Variants in MDN1 observed in about 807,000 individuals in gnomAD.
The protein encoded by MDN1 is midasin AAA ATPase 1.
Under a neutral mutation model 669.2 loss-of-function variants are expected in MDN1, and 266 were observed. The ratio of observed to expected loss-of-function variants is 0.40; its 90% CI spans 0.36 to 0.44. The LOEUF (loss-of-function observed/expected upper bound fraction) is 0.44, where lower values mean the gene tolerates loss of function less well. Among genes scored for constraint, MDN1 ranks in the 20% least tolerant of loss-of-function variants. The pLI, the probability that MDN1 is intolerant of heterozygous loss-of-function variation, is 1.00. For synonymous variants in MDN1, 2,385 were observed against 2,457.1 expected (o/e 0.97, Z 0.87); for missense variants, 5,940 against 6,754.0 (o/e 0.88, Z 4.22).
At chr6:89,720,878 T>C (rs1449177491) in intron 40 of MDN1, among the ~76,000 whole-genome samples, 1 of 152,204 alleles carries the variant, frequency 6.6e-6, no homozygotes, top group Non-Finnish European at 1.5e-5. Flanking sequence ...ACTCCATTTG[T>C]AATCACAGCA....
chr6:89,654,460 C>T (rs1809106399), intron 92 of MDN1, 126 bp from the exon 93 acceptor site: 1 of 1,231,700 alleles, frequency 8.1e-7, no homozygotes, highest in Non-Finnish European at 1.1e-6. Flanking sequence ...GTGCCACTGA[C>T]CAGCTATGTG....
At chr6:89,794,247 G>T in intron 3 of MDN1, 40 bp from the exon 4 acceptor site, 1 of 1,150,624 alleles carries the variant, frequency 8.7e-7, no homozygotes, top group Non-Finnish European at 1.3e-6. Context: ...TTTATCTGCA[G>T]TTGATAATAA....
In MDN1 at chr6:89,747,412, T is replaced by A. The variant is rs1480009184; in HGVS notation, c.3821A>T (p.Asp1274Val). The A allele has an allele frequency of 2.5e-6, 4 of 1,614,062 alleles. No homozygotes were observed. In the Admixed American group the frequency reaches 6.7e-5, roughly 27 times the overall value. ...AGKQGFITLR[D>V]LFRWAERYRL... Reference sequence around the variant, plus strand: ...GTATCTTTCAGCCCATCGGAACAGATCACGAAGGGTGATGAAGCCCTGCTT... The same window carrying A: ...GTATCTTTCAGCCCATCGGAACAGAACACGAAGGGTGATGAAGCCCTGCTT... The change falls in exon 27 of 102, where the codon GAT (aspartate) becomes GTT (valine). Residue 1274 changes from aspartate (D) to valine (V), a missense_variant. Coordinates refer to ENST00000369393, the MANE Select transcript of MDN1 (RefSeq NM_014611.3).
intron 82 of MDN1, among the ~76,000 whole-genome samples, 167 bp downstream of exon 82, chr6:89,672,033 A>G (rs1810818837): frequency 6.6e-6 from 1 of 152,250 alleles, no homozygotes; most frequent in Admixed American, 6.5e-5. Context: ...TAAGCTCTTC[A>G]AAGCTTGTCA....
rs1275475946 is a variant in MDN1 at position 89,655,779 on chromosome 6, C to G, written c.15475G>C (p.Asp5159His). 2 of 1,608,384 alleles carry G rather than the reference C, an allele frequency of 1.2e-6. No homozygotes were observed. Among genetic ancestry groups the G allele is most frequent in the Admixed American group, 3.4e-5 (2 of 59,208 alleles). ...AGGACCGTACCATAGGTCTGTGCAT[C>G]GTATGCGTCACTGCCTTGTTTAATG... Reference protein sequence around the residue: ...EHIKQGSDAYDAQTYDVASKE... With the variant: ...EHIKQGSDAYHAQTYDVASKE... Residue 5159 changes from aspartate (D) to histidine (H), a missense_variant, in exon 92 of 102, where the codon GAT (aspartate) becomes CAT (histidine). Asp to His is a moderately conservative substitution (Grantham distance 81). Transcript: ENST00000369393.
intron 93 of MDN1, 83 bp downstream of exon 93, chr6:89,654,081 C>T (rs966997080): frequency 2.1e-6 from 3 of 1,462,228 alleles, no homozygotes; most frequent in Non-Finnish European, 2.8e-6. Context: ...TGGAACTGAA[C>T]ACCAGACTAG....
At chr6:89,703,874 G>A (rs1287263170) in intron 53 of MDN1, among the ~76,000 whole-genome samples, 7 of 151,644 alleles carry the variant, frequency 4.6e-5, no homozygotes, top group African/African-American at 1.7e-4. Context: ...TTAGCTGAGC[G>A]TGGTGGCACG....
rs1817391899 is a variant in MDN1 at position 89,758,855 on chromosome 6, A to T, written c.2566T>A (p.Ser856Thr). The T allele has an allele frequency of 6.2e-7, 1 of 1,614,074 alleles. No individual in the cohort carries two copies. The highest frequency in any genetic ancestry group is 8.5e-7 in the Non-Finnish European group (1 of 1,180,042). ...TCCAGCAACACCAGGGATCCAGAAG[A>T]TCCTTCAAGCAAACCACTCAGACAT... ...LECLSGLLEG[S>T]SGSLVLLDRG... The change falls in exon 18 of 102, where the codon TCT (serine) becomes ACT (threonine). Residue 856 changes from serine to threonine, a missense_variant. Physicochemically the swap from Ser to Thr is moderately conservative, Grantham distance 58 (BLOSUM62 1). Coordinates refer to ENST00000369393, the MANE Select transcript of MDN1 (RefSeq NM_014611.3).
intron 43 of MDN1, among the ~76,000 whole-genome samples, chr6:89,717,036 C>T (rs142806042): frequency 1.3e-5 from 2 of 152,294 alleles, no homozygotes; most frequent in African/African-American, 4.8e-5. Context: ...AGGGTTGACT[C>T]TAGGGTGATA....
At chr6:89,658,985 G>A in intron 88 of MDN1, 68 bp from the exon 89 acceptor site, 1 of 1,425,502 alleles carries the variant, frequency 7.0e-7, no homozygotes, top group Non-Finnish European at 9.5e-7. Flanking sequence ...TAAGCTGGGA[G>A]CTACTTATGC....
Position 89,819,491 on chromosome 6 carries a change from C to T in MDN1, c.102+15G>A, listed in dbSNP as rs533931168. 1 of 1,603,570 alleles carries T rather than the reference C, an allele frequency of 6.2e-7. No homozygotes were observed. The highest frequency in any genetic ancestry group is 8.5e-7 in the Non-Finnish European group (1 of 1,178,648). On this transcript the variant is annotated intron_variant, in intron 1 of 101. Coordinates refer to ENST00000369393, the MANE Select transcript of MDN1 (RefSeq NM_014611.3). ...CCAGTCGTTCCGGCGCTTTCCCTCT[C>T]CCTTCACGTCTTACCTGCTTGGCCA...
At chr6:89,749,199 T>C (rs774805037) in intron 26 of MDN1, 24 bp downstream of exon 26, 2 of 1,610,754 alleles carry the variant, frequency 1.2e-6, no homozygotes, top group Non-Finnish European at 1.7e-6. Context: ...GTATAATCAA[T>C]ACATTCCATT....
chr6:89,698,967 G>T lies in MDN1; in HGVS notation c.9066C>A (p.Ser3022Arg). Reference sequence around the variant, plus strand: ...ACTCTGGATTTGTGGTCACAGTACTGCTCCAGAAAGACATAAACATGGAAT... The same window carrying T: ...ACTCTGGATTTGTGGTCACAGTACTTCTCCAGAAAGACATAAACATGGAAT... ...LFNSMFMSFW[S>R]STVTTNPEYW... Residue 3022 changes from serine to arginine, a missense_variant, in exon 59 of 102, where the codon AGC (serine) becomes AGA (arginine). Transcript: ENST00000369393. 6.2e-7 allele frequency: 1 copy of T among 1,613,956 alleles called. No homozygotes were observed. The highest frequency in any genetic ancestry group is 8.5e-7 in the Non-Finnish European group (1 of 1,179,918).
At chr6:89,704,249 C>T (rs1211356359) in intron 53 of MDN1, among the ~76,000 whole-genome samples, 2 of 152,018 alleles carry the variant, frequency 1.3e-5, no homozygotes, top group Non-Finnish European at 2.9e-5. Flanking sequence ...GGTGTGGTGG[C>T]ACGTGCCTGT....
At chr6:89,667,890 T>C in intron 84 of MDN1, 124 bp downstream of exon 84, 2 of 1,232,972 alleles carry the variant, frequency 1.6e-6, no homozygotes, top group Non-Finnish European at 2.2e-6. Flanking sequence ...CCAATATATC[T>C]AGGGCTCTGT....
chr6:89,731,738 G>A (rs1815608888), intron 34 of MDN1, among the ~76,000 whole-genome samples: 1 of 151,486 alleles, frequency 6.6e-6, no homozygotes, highest in Non-Finnish European at 1.5e-5. Context: ...TAACAAACCC[G>A]CATATTCGGT....
intron 50 of MDN1, among the ~76,000 whole-genome samples, chr6:89,710,428 G>C (rs987578371): frequency 7.9e-5 from 12 of 151,788 alleles, no homozygotes; most frequent in Non-Finnish European, 1.8e-4. Context: ...CAACAGTTTG[G>C]GAGACCAAAG....
chr6:89,740,162 A>G, intron 32 of MDN1, 72 bp downstream of exon 32: 3 of 1,518,426 alleles, frequency 2.0e-6, no homozygotes, highest in Non-Finnish European at 1.8e-6. Flanking sequence ...CCATTATTAC[A>G]TACTATATTT....
intron 53 of MDN1, among the ~76,000 whole-genome samples, chr6:89,704,969 T>C (rs1033549600): frequency 6.6e-6 from 1 of 152,244 alleles, no homozygotes; most frequent in African/African-American, 2.4e-5. Flanking sequence ...CTTGTCATTT[T>C]TGGTGTGCCA....
Sources: allele counts gnomAD v4.1 joint callset (sites outside exome capture counted in the v4.1 genomes callset), GRCh38; gene constraint gnomAD v4.1.1; transcripts MANE v1.5; gene names NCBI Gene and HGNC (gene_info 2026-07-23, HGNC 2026-07-21).